The following GRM1 variants were observed in gnomAD, a reference collection of about 807,000 sequenced individuals.
GRM1 encodes glutamate metabotropic receptor 1, also known as metabotropic glutamate receptor 1.
In GRM1, 33 loss-of-function variants were observed where a neutral mutation model predicts 90.9. That is an observed-to-expected ratio of 0.36 (90% CI 0.28 to 0.49). GRM1 has a LOEUF of 0.49. Ranked by LOEUF, GRM1 falls within the 20% of genes least tolerant of loss-of-function variation. GRM1 has a pLI of 0.99. For synonymous variants in GRM1, 700 were observed against 613.2 expected (o/e 1.14, Z -2.09); for missense variants, 1,190 against 1,534.3 (o/e 0.78, Z 3.75).
intron 3 of GRM1, among the ~76,000 whole-genome samples, chr6:146,315,133 T>A (rs73577186): frequency 0.053 from 8,100 of 152,212 alleles, 705 homozygotes; most frequent in African/African-American, 0.18. Flanking sequence ...ATGAGCTGTG[T>A]GAGGCCAGGA....
At chr6:146,146,060 G>A (rs1385924191) in intron 1 of GRM1, among the ~76,000 whole-genome samples, 1 of 124,332 alleles carries the variant, frequency 8.0e-6, no homozygotes, top group East Asian at 2.7e-4. Context: ...ATTTCTTTTT[G>A]GAATGTAAAT....
At chr6:146,293,258 T>G (rs1452766582) in intron 2 of GRM1, among the ~76,000 whole-genome samples, 5 of 151,994 alleles carry the variant, frequency 3.3e-5, no homozygotes, top group Non-Finnish European at 7.4e-5. Context: ...TTTAAAATGG[T>G]TGATGTTATG....
intron 1 of GRM1, among the ~76,000 whole-genome samples, chr6:146,057,550 A>G (rs1775522303): frequency 6.6e-6 from 1 of 152,168 alleles, no homozygotes; most frequent in Non-Finnish European, 1.5e-5. Flanking sequence ...AACATAGAGC[A>G]CTGTATATCA....
At chr6:146,147,399 G>A (rs568065873) in intron 1 of GRM1, among the ~76,000 whole-genome samples, 6 of 152,268 alleles carry the variant, frequency 3.9e-5, no homozygotes, top group East Asian at 1.9e-4. Flanking sequence ...CAAATAAGGC[G>A]ACGAAGTTGT....
intron 1 of GRM1, among the ~76,000 whole-genome samples, chr6:146,098,903 C>T (rs775205935): frequency 9.9e-5 from 15 of 152,034 alleles, no homozygotes; most frequent in Non-Finnish European, 1.9e-4. Context: ...TCAGCCATGC[C>T]AAACTGTGAG....
At chr6:146,180,545 C>T (rs955472791) in intron 2 of GRM1, among the ~76,000 whole-genome samples, 3 of 151,930 alleles carry the variant, frequency 2.0e-5, no homozygotes, top group Non-Finnish European at 2.9e-5. Context: ...GTGGAGTGAT[C>T]GTTGATGAAA....
intron 1 of GRM1, among the ~76,000 whole-genome samples, chr6:146,143,012 A>G (rs545630381): frequency 6.6e-6 from 1 of 152,230 alleles, no homozygotes; most frequent in South Asian, 2.1e-4. Context: ...GTCACACCCG[A>G]AGCCAGCACA....
chr6:146,097,496 A>G (rs1057107971), intron 1 of GRM1, among the ~76,000 whole-genome samples: 1 of 152,180 alleles, frequency 6.6e-6, no homozygotes, highest in Non-Finnish European at 1.5e-5. Flanking sequence ...TCTGGAATGC[A>G]TTTGCAAAAC....
chr6:146,419,437 T>A (rs1777909353), intron 7 of GRM1, among the ~76,000 whole-genome samples: 1 of 152,124 alleles, frequency 6.6e-6, no homozygotes, highest in South Asian at 2.1e-4. Flanking sequence ...AGAAGAGAAA[T>A]GAAAACTGAG....
intron 1 of GRM1, among the ~76,000 whole-genome samples, chr6:146,138,126 T>C (rs973317705): frequency 1.4e-4 from 21 of 152,188 alleles, no homozygotes; most frequent in Admixed American, 1.1e-3. Context: ...ACTTCTTCCT[T>C]TTCAATTTGG....
chr6:146,205,535 C>A (rs996516440), intron 2 of GRM1, among the ~76,000 whole-genome samples: 1 of 152,002 alleles, frequency 6.6e-6, no homozygotes, highest in Non-Finnish European at 1.5e-5. Flanking sequence ...AATTATTATG[C>A]GGAAAGTTTT....
At chr6:146,208,719 A>G (rs1281047505) in intron 2 of GRM1, among the ~76,000 whole-genome samples, 2 of 152,098 alleles carry the variant, frequency 1.3e-5, no homozygotes, top group South Asian at 2.1e-4. Context: ...GACACACACA[A>G]ATAGTTCTCC....
At chr6:146,305,865 A>G (rs1443854850) in intron 3 of GRM1, among the ~76,000 whole-genome samples, 4 of 152,246 alleles carry the variant, frequency 2.6e-5, no homozygotes, top group African/African-American at 9.6e-5. Context: ...GAGGCTTGCC[A>G]TCTCTTTGGG....
rs117508523 is a variant in GRM1 at position 146,403,333 on chromosome 6, G to A, written c.2660+3634G>A. 3.4e-3 allele frequency among the ~76,000 whole-genome samples: 518 copies of A among 152,120 alleles called. 10 individuals are homozygous for A. The East Asian group carries it at 0.055, about 16-fold the overall frequency. On this transcript the variant is annotated intron_variant, in intron 7 of 7. Coordinates refer to ENST00000282753, the MANE Select transcript of GRM1 (RefSeq NM_001278064.2). The stretch of plus-strand genomic sequence containing the variant: ...TCACTGAGTGCCAAACAATTTGATG[G>A]CACATGGAGCTAAAATGTGACAATA...
chr6:146,100,414 T>C (rs888567978), intron 1 of GRM1, among the ~76,000 whole-genome samples: 1 of 152,170 alleles, frequency 6.6e-6, no homozygotes. Context: ...TACTCTCTCC[T>C]CAAAGTTTAA....
chr6:146,418,529 CATACATGCAT>C (rs1777868107), intron 7 of GRM1, among the ~76,000 whole-genome samples: 2 of 151,922 alleles, frequency 1.3e-5, no homozygotes, highest in South Asian at 4.2e-4. Context: ...CACACGTATA[CATACATGCAT>C]ATACATACAC....
At chr6:146,372,356 G>C (rs1339091015) in intron 5 of GRM1, among the ~76,000 whole-genome samples, 1 of 151,906 alleles carries the variant, frequency 6.6e-6, no homozygotes, top group Non-Finnish European at 1.5e-5. Context: ...ATACATTCTG[G>C]TTATTAATTC....
intron 7 of GRM1, among the ~76,000 whole-genome samples, chr6:146,427,784 T>C (rs1409579425): frequency 2.0e-5 from 3 of 152,238 alleles, no homozygotes; most frequent in Non-Finnish European, 4.4e-5. Flanking sequence ...ATGAATTCTC[T>C]GTAATTCTCC....
intron 2 of GRM1, among the ~76,000 whole-genome samples, chr6:146,227,652 A>G (rs9497496): frequency 0.22 from 33,449 of 152,118 alleles, 7,573 homozygotes; most frequent in African/African-American, 0.58. Context: ...ATATGGACCA[A>G]TCTCAGTAAT....
Sources: allele counts gnomAD v4.1 joint callset (sites outside exome capture counted in the v4.1 genomes callset), GRCh38; gene constraint gnomAD v4.1.1; transcripts MANE v1.5; gene names NCBI Gene and HGNC (gene_info 2026-07-23, HGNC 2026-07-21).